The following PASD1 variants were observed in gnomAD, a reference collection of about 807,000 sequenced individuals.
PASD1 encodes circadian clock protein PASD1.
A neutral mutation model predicts 58.8 loss-of-function variants in PASD1; 13 were observed. The observed-to-expected ratio is 0.22, with a 90% CI of 0.14 to 0.35. The LOEUF (loss-of-function observed/expected upper bound fraction) is 0.35. PASD1 is among the 10% of genes least tolerant of loss of function. The pLI is 1.00. For missense variants in PASD1, 734 were observed against 568.3 expected, an observed-to-expected ratio of 1.29 and a Z score of -2.96; for synonymous variants, 236 against 216.7, an observed-to-expected ratio of 1.09 and a Z score of -0.78.
intron 9 of PASD1, among the ~76,000 whole-genome samples, chrX:151,658,719 A>G (rs1202131120): frequency 8.9e-6 from 1 of 112,482 alleles, no homozygotes; most frequent in Non-Finnish European, 1.9e-5. Context: ...AAATGCTGGG[A>G]TGTGATCCAA....
At position 151,620,814 on chromosome X, in the gene PASD1, G is replaced by T. The variant is rs186832651; in HGVS notation, c.208-116G>T. On this transcript the variant is annotated intron_variant, in intron 4 of 15. Transcript: ENST00000370357. The stretch of plus-strand genomic sequence containing the variant: ...ATGGCTGAGGTGGGGCAGAGCATAA[G>T]CTCACTGGAGGTAAGGAGATAGAGG... The T allele has an allele frequency of 1.8e-5, 8 of 436,161 alleles. No individual in the cohort carries two copies. The African/African-American group carries it at 2.0e-4, about 11-fold the overall frequency. 35.9% of individuals were successfully genotyped at this position (436,161 alleles called of 1,213,427 possible).
At position 151,604,700 on chromosome X, in the gene PASD1, C is replaced by T. The variant is rs750699631; in HGVS notation, c.83C>T (p.Pro28Leu). 85 of 1,207,247 alleles carry T rather than the reference C, an allele frequency of 7.0e-5. No individual in the cohort carries two copies. Among genetic ancestry groups the T allele is most frequent in the Non-Finnish European group, 9.2e-5 (82 of 893,130 alleles). ...AAATTAAACTGGATTCCATCATTTC[C>T]TACCTATGATTACTTCAACCAAGTG... is the stretch of plus-strand genomic sequence containing the variant. ...QRKLNWIPSF[P>L]TYDYFNQVTL... The change falls in exon 3 of 16, where the codon CCT (proline) becomes CTT (leucine). Residue 28 changes from proline (P) to leucine (L), a missense_variant. Physicochemically the swap from Pro to Leu is moderately conservative, Grantham distance 98. Transcript: ENST00000370357.
chrX:151,655,790 C>T (rs1181578868), intron 9 of PASD1, among the ~76,000 whole-genome samples: 1 of 111,670 alleles, frequency 9.0e-6, no homozygotes, highest in Non-Finnish European at 1.9e-5. Flanking sequence ...AAAATTTTCT[C>T]CCATTTTGTA....
At chrX:151,585,761 G>A (rs776685382) in intron 1 of PASD1, among the ~76,000 whole-genome samples, 3 of 111,558 alleles carry the variant, frequency 2.7e-5, no homozygotes, top group African/African-American at 6.5e-5. Flanking sequence ...GTATTTTGTC[G>A]TATAACTGGG....
rs1433381983 is a variant in PASD1, at chrX:151,664,120, C to T, written c.843C>T (p.Ala281=). The change falls in exon 11 of 16, where the codon GCC becomes GCT. Residue 281 remains alanine, a splice_region_variant and synonymous_variant. Coordinates refer to ENST00000370357, the MANE Select transcript of PASD1 (RefSeq NM_173493.3). ...ACTCCCCTGTGCTTTCTTCCTCAGC[C>T]TTATCCTTGCAAGACTTTCGAGGTG... ...VFLDTMPESP[A]LSLQDFRGEP... The T allele has an allele frequency of 8.3e-7, 1 of 1,211,453 alleles. No homozygotes were observed. The highest frequency in any genetic ancestry group is 2.2e-5 in the Admixed American group (1 of 45,971).
chrX:151,667,710 T>A, intron 11 of PASD1, among the ~76,000 whole-genome samples: 1 of 111,821 alleles, frequency 8.9e-6, no homozygotes, highest in Admixed American at 9.5e-5. Context: ...GCATTATTTC[T>A]GAGGGCTCTG....
At chrX:151,592,542 G>A (rs1236121039) in intron 1 of PASD1, among the ~76,000 whole-genome samples, 2 of 111,895 alleles carry the variant, frequency 1.8e-5, no homozygotes, top group Non-Finnish European at 3.8e-5. Context: ...ATTACAATTA[G>A]ATTATTGAAG....
intron 1 of PASD1, among the ~76,000 whole-genome samples, chrX:151,577,772 C>T (rs1457911495): frequency 9.0e-6 from 1 of 111,395 alleles, no homozygotes; most frequent in African/African-American, 3.3e-5. Flanking sequence ...GTGATCTGCC[C>T]GCCTCAGCCT....
At chrX:151,597,716 A>G (rs1394943806) in intron 1 of PASD1, among the ~76,000 whole-genome samples, 2 of 109,559 alleles carry the variant, frequency 1.8e-5, no homozygotes, top group East Asian at 5.6e-4. Context: ...TATTTTGTTT[A>G]CTAATTTATT....
intron 9 of PASD1, 51 bp from the exon 10 acceptor site, chrX:151,659,662 T>C: frequency 9.0e-7 from 1 of 1,115,405 alleles, no homozygotes; most frequent in Non-Finnish European, 1.2e-6. Flanking sequence ...TTTCCTATTC[T>C]TTCTAACTCC....
Position 151,581,227 on chromosome X carries a change from C to CAAAAAAAAAAAAAAAAAAAAAAAAAAAA in PASD1, c.-28+17414_-28+17415insAAAAAAAAAAAAAAAAAAAAAAAAAAAA, listed in dbSNP as rs55664238. 4.8e-4 allele frequency among the ~76,000 whole-genome samples: 15 copies of CAAAAAAAAAAAAAAAAAAAAAAAAAAAA among 31,500 alleles called. 2 individuals carry two copies. Among genetic ancestry groups the CAAAAAAAAAAAAAAAAAAAAAAAAAAAA allele is most frequent in the Non-Finnish European group, 5.5e-4 (10 of 18,069 alleles). 27.4% of individuals were successfully genotyped at this position (31,500 alleles called of 115,157 possible). ...TAGGCAACAGAGTAAAGCTCTGTATCAAAAAAAAAAAAAAAAAAAAAAAAA... is the reference window on the plus strand; with the variant it reads ...TAGGCAACAGAGTAAAGCTCTGTATCAAAAAAAAAAAAAAAAAAAAAAAAAAAAAAAAAAAAAAAAAAAAAAAAAAAAA... On this transcript the variant is annotated intron_variant, in intron 1 of 15. Coordinates refer to ENST00000370357, the MANE Select transcript of PASD1 (RefSeq NM_173493.3).
intron 3 of PASD1, among the ~76,000 whole-genome samples, chrX:151,609,058 CTTATTT>C (rs1325934357): frequency 9.0e-6 from 1 of 111,038 alleles, no homozygotes; most frequent in Non-Finnish European, 1.9e-5. Flanking sequence ...AATTTCTGCT[CTTATTT>C]TTATTATTTA....
At chrX:151,611,000 C>T (rs938948439) in intron 3 of PASD1, among the ~76,000 whole-genome samples, 8 of 111,146 alleles carry the variant, frequency 7.2e-5, no homozygotes, top group South Asian at 3.9e-4. Context: ...GTACAGGCCT[C>T]GGCTTTGCTT....
intron 1 of PASD1, among the ~76,000 whole-genome samples, chrX:151,584,762 G>A (rs1289660901): frequency 6.2e-5 from 7 of 112,030 alleles, no homozygotes; most frequent in African/African-American, 1.9e-4. Flanking sequence ...AATTAAATAT[G>A]CTGGATTTCT....
chrX:151,586,903 G>A (rs768494149), intron 1 of PASD1, among the ~76,000 whole-genome samples: 4 of 111,803 alleles, frequency 3.6e-5, no homozygotes, highest in Non-Finnish European at 5.6e-5. Context: ...CCAGGGTGTG[G>A]CAGGGACAGG....
At position 151,672,570 on chromosome X, in the gene PASD1, C is replaced by T. The variant is rs1433432601; in HGVS notation, c.1825C>T (p.Pro609Ser). 4 of 1,210,493 alleles carry T rather than the reference C, an allele frequency of 3.3e-6. No individual in the cohort carries two copies. In the Admixed American group the frequency reaches 8.7e-5, roughly 26 times the overall value. The change falls in exon 14 of 16, where the codon CCC becomes TCC. Residue 609 changes from proline to serine, a missense_variant. Physicochemically the swap from Pro to Ser is moderately conservative, Grantham distance 74 (BLOSUM62 -1). Coordinates refer to ENST00000370357, the MANE Select transcript of PASD1 (RefSeq NM_173493.3). The stretch of plus-strand genomic sequence containing the variant: ...CCCTGTTAGATTTTTACAGGCCCAA[C>T]CCATTGTTCCTGTCCAGAGAGCAGC... ...NHPVRFLQAQ[P>S]IVPVQRAAEQ... is the part of the protein sequence containing the mutation.
intron 1 of PASD1, among the ~76,000 whole-genome samples, chrX:151,568,489 A>G (rs2012880140): frequency 8.9e-6 from 1 of 112,098 alleles, no homozygotes; most frequent in Non-Finnish European, 1.9e-5. Context: ...AAGGCACACG[A>G]TATTATTCAA....
intron 5 of PASD1, 77 bp from the exon 6 acceptor site, chrX:151,621,404 TG>T (rs1421140980): frequency 1.1e-4 from 83 of 737,968 alleles, no homozygotes; most frequent in Non-Finnish European, 1.6e-4. Context: ...AGAAAGACAT[TG>T]GTCATATGAA....
At position 151,648,622 on chromosome X, in the gene PASD1, C is replaced by G. The variant is rs5924658; in HGVS notation, c.637C>G (p.Gln213Glu). ...CTTTTTTCCTATTTATAGTAGCTCT[C>G]AAGGTCAAAGAGGACACACTAGCAT... ...EPFVGELSSS[Q>E]GQRGHTSMKA... The change falls in exon 9 of 16, where the codon CAA becomes GAA. Residue 213 changes from glutamine to glutamate, a missense_variant. By Grantham distance (29) the Gln-to-Glu change is conservative (BLOSUM62 2). Transcript: ENST00000370357. 307,933 of 1,207,244 alleles carry G rather than the reference C, an allele frequency of 0.26. 28,515 individuals carry two copies. The highest frequency in any genetic ancestry group is 0.28 in the Non-Finnish European group (249,255 of 893,579).
Sources: allele counts gnomAD v4.1 joint callset (sites outside exome capture counted in the v4.1 genomes callset), GRCh38; gene constraint gnomAD v4.1.1; transcripts MANE v1.5; gene names NCBI Gene and HGNC (gene_info 2026-07-23, HGNC 2026-07-21).